The following TBC1D8 variants were observed in gnomAD, a reference collection of about 807,000 sequenced individuals.
TBC1D8 encodes the protein BUB2-like protein 1.
In TBC1D8, 65 loss-of-function variants were observed where a neutral mutation model predicts 118.8. The ratio of observed to expected loss-of-function variants is 0.55; its 90% CI spans 0.45 to 0.67. The LOEUF (loss-of-function observed/expected upper bound fraction) is 0.67. TBC1D8 is among the 30% of genes least tolerant of loss of function. The probability of loss-of-function intolerance (pLI) is 0.00; values close to 1 mark genes in which losing one functional copy is unlikely to be tolerated. For synonymous variants in TBC1D8, 566 were observed against 595.8 expected (o/e 0.95, Z 0.73); for missense variants, 1,376 against 1,471.2 (o/e 0.94, Z 1.06).
chr2:101,138,494 C>T (rs911999208), intron 1 of TBC1D8, among the ~76,000 whole-genome samples: 2 of 152,140 alleles, frequency 1.3e-5, no homozygotes, highest in Non-Finnish European at 2.9e-5. Context: ...CCATTTCAGA[C>T]GCCAGTCACA....
chr2:101,097,551 G>A (rs1676546323), intron 1 of TBC1D8, among the ~76,000 whole-genome samples: 1 of 122,616 alleles, frequency 8.2e-6, no homozygotes, highest in Non-Finnish European at 1.8e-5. Context: ...GAAATACTCT[G>A]TTATTTAAAA....
intron 5 of TBC1D8, among the ~76,000 whole-genome samples, chr2:101,043,212 A>T (rs1183638605): frequency 6.6e-6 from 1 of 152,206 alleles, no homozygotes; most frequent in African/African-American, 2.4e-5. Context: ...CGGGCGCCTG[A>T]GCTGCCTCCA....
At chr2:101,025,180 G>A (rs900734889) in intron 15 of TBC1D8, among the ~76,000 whole-genome samples, 2 of 151,910 alleles carry the variant, frequency 1.3e-5, no homozygotes, top group Non-Finnish European at 2.9e-5. Context: ...GTAATTATCT[G>A]TACAGGGAGG....
intron 2 of TBC1D8, among the ~76,000 whole-genome samples, chr2:101,064,326 C>G (rs1419987701): frequency 6.6e-6 from 1 of 152,102 alleles, no homozygotes; most frequent in Non-Finnish European, 1.5e-5. Flanking sequence ...GGAGACCTCA[C>G]CAGAAACCAA....
intron 2 of TBC1D8, among the ~76,000 whole-genome samples, chr2:101,078,727 G>A (rs1469551726): frequency 3.5e-5 from 3 of 86,880 alleles, no homozygotes; most frequent in South Asian, 3.7e-4. Flanking sequence ...AAAAAAAAAA[G>A]GAAAGAAAAG....
Position 101,068,201 on chromosome 2 carries a change from C to T in TBC1D8, c.284-8662G>A, listed in dbSNP as rs1573971825. The stretch of plus-strand genomic sequence containing the variant: ...ATTAGAATCAACTTCTTCCAAACTC[C>T]TATTAATGTTGGTATTTTGACCTCC... On this transcript the variant is annotated intron_variant, in intron 2 of 19. Transcript: ENST00000409318. Among the ~76,000 whole-genome samples the T allele has an allele frequency of 3.3e-5, 5 of 152,274 alleles. 1 individual carries two copies. Among genetic ancestry groups the T allele is most frequent in the Admixed American group, 3.3e-4 (5 of 15,284 alleles).
At chr2:101,101,730 A>G (rs980830887) in intron 1 of TBC1D8, among the ~76,000 whole-genome samples, 1 of 152,230 alleles carries the variant, frequency 6.6e-6, no homozygotes, top group Admixed American at 6.5e-5. Flanking sequence ...AAAAGGAATG[A>G]GATCATGTCC....
intron 1 of TBC1D8, among the ~76,000 whole-genome samples, chr2:101,134,203 A>T (rs62152491): frequency 0.23 from 15,150 of 64,988 alleles, 617 homozygotes; most frequent in African/African-American, 0.26. Flanking sequence ...TCTCTCACAC[A>T]CACACACACA....
intron 1 of TBC1D8, among the ~76,000 whole-genome samples, chr2:101,124,954 G>A (rs948332528): frequency 6.6e-6 from 1 of 152,168 alleles, no homozygotes; most frequent in Admixed American, 6.5e-5. Context: ...TTAGAAATAA[G>A]CTCTTCAATA....
chr2:101,140,594 C>T (rs767864944), intron 1 of TBC1D8, among the ~76,000 whole-genome samples: 4 of 152,028 alleles, frequency 2.6e-5, no homozygotes, highest in Admixed American at 6.6e-5. Flanking sequence ...GTTACAGGTA[C>T]GTGTCAATCA....
intron 19 of TBC1D8, 131 bp from the exon 20 acceptor site, chr2:101,008,404 T>G: frequency 1.4e-6 from 1 of 736,746 alleles, no homozygotes; most frequent in Non-Finnish European, 2.1e-6. Flanking sequence ...GAAAAGGTAG[T>G]CTCTGCCTTT....
chr2:101,008,218 T>C lies in TBC1D8; in HGVS notation c.3071A>G (p.Glu1024Gly), dbSNP rs778369835. Residue 1024 changes from glutamate to glycine, a missense_variant, in exon 20 of 20, where the codon GAA becomes GGA. By Grantham distance (98) the Glu-to-Gly change is moderately conservative (BLOSUM62 -2). Transcript: ENST00000409318. ...GATGGCTTGATACAAATCATTTTCT[T>C]CTGGATCTTCATGGAACATACTGTA... ...TLYSMFHEDP[E>G]ENDLYQAIAT... 2 of 1,602,240 alleles carry C rather than the reference T, an allele frequency of 1.2e-6. No homozygotes were observed. The highest frequency in any genetic ancestry group is 2.7e-5 in the African/African-American group (2 of 74,514).
intron 4 of TBC1D8, among the ~76,000 whole-genome samples, chr2:101,051,788 T>C (rs542039893): frequency 6.6e-6 from 1 of 152,320 alleles, no homozygotes; most frequent in African/African-American, 2.4e-5. Flanking sequence ...AGAATGGCTA[T>C]TACTAAAAAG....
chr2:101,030,616 C>G (rs1017288263), intron 11 of TBC1D8, among the ~76,000 whole-genome samples: 1 of 152,224 alleles, frequency 6.6e-6, no homozygotes. Flanking sequence ...CTTATTAAGT[C>G]ATACATCTAA....
chr2:101,134,228 C>T (rs12052742), intron 1 of TBC1D8, among the ~76,000 whole-genome samples: 21,824 of 149,134 alleles, frequency 0.15, 1,990 homozygotes, highest in East Asian at 0.28. Flanking sequence ...CACACACACA[C>T]ACACACAGAC....
intron 1 of TBC1D8, 138 bp downstream of exon 1, chr2:101,150,989 C>A: frequency 1.7e-6 from 1 of 593,618 alleles, no homozygotes; most frequent in Non-Finnish European, 2.1e-6. Context: ...GGAAAACAAG[C>A]CCGCGGCAGG....
chr2:101,039,968 T>C (rs996930403), intron 6 of TBC1D8, among the ~76,000 whole-genome samples: 1 of 152,114 alleles, frequency 6.6e-6, no homozygotes, highest in African/African-American at 2.4e-5. Flanking sequence ...CAGGATGCCA[T>C]AGCAACAGCA....
At chr2:101,037,822 A>G (rs1017588082) in intron 7 of TBC1D8, 114 bp from the exon 8 acceptor site, 8 of 1,315,270 alleles carry the variant, frequency 6.1e-6, no homozygotes, top group African/African-American at 4.4e-5. Flanking sequence ...GCAGACTTCA[A>G]TGACTCAGGG....
At chr2:101,017,968 T>C in intron 17 of TBC1D8, 5 of 1,545,540 alleles carry the variant, frequency 3.2e-6, no homozygotes, top group East Asian at 2.4e-5. Flanking sequence ...AAAGTCATTA[T>C]AGAGGATTCG....
Sources: gnomAD v4.1 joint callset for allele counts (sites outside exome capture counted in the v4.1 genomes callset) on GRCh38, gnomAD v4.1.1 for gene constraint, MANE v1.5 for transcripts, NCBI Gene and HGNC (gene_info 2026-07-23, HGNC 2026-07-21) for gene names.